SPAG16: variants seen among roughly 807,000 people sequenced by gnomAD.
SPAG16 encodes the protein sperm associated antigen 16, also known as sperm-associated antigen 16 protein.
SPAG16 carries 86 observed loss-of-function variants against 80.4 expected under a neutral mutation model. The ratio of observed to expected loss-of-function variants is 1.07; its 90% CI spans 0.90 to 1.28. The LOEUF (loss-of-function observed/expected upper bound fraction) is 1.28, where lower values mean the gene tolerates loss of function less well. SPAG16 is among the 50% of genes most tolerant of loss of function. The pLI is 0.00. For missense variants in SPAG16, 870 were observed against 765.3 expected (o/e 1.14, Z -1.61); for synonymous variants, 294 against 265.9 (o/e 1.11, Z -1.03).
chr2:213,306,648 C>G (rs567177665), intron 3 of SPAG16, among the ~76,000 whole-genome samples: 2 of 152,038 alleles, frequency 1.3e-5, no homozygotes, highest in African/African-American at 2.4e-5. Context: ...GGGCAAGTCC[C>G]CTCTTGCTAG....
intron 10 of SPAG16, among the ~76,000 whole-genome samples, chr2:213,698,564 A>G (rs2065258684): frequency 6.6e-6 from 1 of 152,106 alleles, no homozygotes; most frequent in Non-Finnish European, 1.5e-5. Flanking sequence ...GCCTTGCTTT[A>G]TTAGTGTTGT....
At chr2:213,454,717 G>T (rs928437575) in intron 9 of SPAG16, among the ~76,000 whole-genome samples, 1 of 152,288 alleles carries the variant, frequency 6.6e-6, no homozygotes, top group Non-Finnish European at 1.5e-5. Context: ...AAGATCTGTT[G>T]CTGCCCACAT....
chr2:214,017,300 C>T lies in SPAG16; in HGVS notation c.1527+3223C>T, dbSNP rs150412975. Among the ~76,000 whole-genome samples the T allele has an allele frequency of 5.3e-5, 8 of 151,968 alleles. No homozygotes were observed. The East Asian group carries it at 7.7e-4, about 15-fold the overall frequency. On this transcript the variant is annotated intron_variant, in intron 13 of 15. Transcript: ENST00000331683. The stretch of plus-strand genomic sequence containing the variant: ...GTGGAGTTTGCTCCTGCTAATGGAG[C>T]GTCAATGGAAAAGTAAGATTTTCAA...
chr2:213,924,384 A>T (rs952934264), intron 11 of SPAG16, among the ~76,000 whole-genome samples: 1 of 151,936 alleles, frequency 6.6e-6, no homozygotes, highest in East Asian at 1.9e-4. Context: ...ACCCTTTCCC[A>T]TTTTTGTAGA....
chr2:214,259,565 G>C (rs1464532774), intron 15 of SPAG16, among the ~76,000 whole-genome samples: 1 of 143,304 alleles, frequency 7.0e-6, no homozygotes, highest in East Asian at 2.0e-4. Context: ...CGTTTCGGCA[G>C]ATATAACCCT....
chr2:214,282,920 G>T (rs1181068382), intron 15 of SPAG16, among the ~76,000 whole-genome samples: 1 of 151,952 alleles, frequency 6.6e-6, no homozygotes, highest in African/African-American at 2.4e-5. Context: ...CTTTACCTTC[G>T]ACTGACAGAT....
intron 13 of SPAG16, among the ~76,000 whole-genome samples, chr2:214,090,141 A>C (rs9288487): frequency 0.094 from 14,215 of 151,968 alleles, 829 homozygotes; most frequent in East Asian, 0.28. Context: ...TGCAAAAGAG[A>C]TATATGGAGA....
intron 15 of SPAG16, among the ~76,000 whole-genome samples, chr2:214,155,067 G>GAGCCAGTGGGT (rs952371401): frequency 1.2e-4 from 19 of 152,166 alleles, no homozygotes; most frequent in African/African-American, 2.9e-4. Context: ...CAGAGTTGAA[G>GAGCCAGTGGGT]AGCCAGTGGG....
intron 10 of SPAG16, among the ~76,000 whole-genome samples, chr2:213,757,006 T>C (rs1222306865): frequency 2.0e-5 from 3 of 152,148 alleles, no homozygotes; most frequent in Admixed American, 6.5e-5. Context: ...TAAAAAAGCT[T>C]ACTAGAATTA....
At chr2:213,772,894 AT>A (rs1473125719) in intron 10 of SPAG16, among the ~76,000 whole-genome samples, 3 of 152,022 alleles carry the variant, frequency 2.0e-5, no homozygotes, top group African/African-American at 7.2e-5. Flanking sequence ...TAATTTTATA[AT>A]TTCACTGTAA....
chr2:214,007,455 T>C (rs987442470), intron 12 of SPAG16, among the ~76,000 whole-genome samples: 3 of 152,160 alleles, frequency 2.0e-5, no homozygotes, highest in Non-Finnish European at 4.4e-5. Context: ...TGTGTGAAAT[T>C]AAAAAGTTTG....
At chr2:213,567,010 G>C (rs1436075238) in intron 10 of SPAG16, among the ~76,000 whole-genome samples, 1 of 152,042 alleles carries the variant, frequency 6.6e-6, no homozygotes, top group East Asian at 1.9e-4. Context: ...ATTAACTGCT[G>C]ATAATATAAT....
chr2:214,027,602 TC>T (rs1378411218), intron 13 of SPAG16, among the ~76,000 whole-genome samples: 1 of 151,962 alleles, frequency 6.6e-6, no homozygotes, highest in South Asian at 2.1e-4. Context: ...ATATACTCTT[TC>T]CAGCAATCCA....
intron 10 of SPAG16, among the ~76,000 whole-genome samples, chr2:213,667,587 C>T (rs777049616): frequency 6.8e-4 from 104 of 152,258 alleles, no homozygotes; most frequent in Non-Finnish European, 1.1e-3. Context: ...TCTACAAAGT[C>T]AAAGAGATTG....
Position 214,224,381 on chromosome 2 carries a change from C to T in SPAG16, c.1720+75115C>T, listed in dbSNP as rs184234282. ...TATGTACACATAATTTATATTATTT[C>T]TCTTAAAGATGAGCCATTATGATTG... On this transcript the variant is annotated intron_variant, in intron 15 of 15. Transcript: ENST00000331683. Among the ~76,000 whole-genome samples, 594 of 152,238 alleles carry T rather than the reference C, an allele frequency of 3.9e-3. 3 individuals carry two copies. Among genetic ancestry groups the T allele is most frequent in the Non-Finnish European group, 6.3e-3 (429 of 68,014 alleles).
chr2:213,463,248 A>G (rs1291271560), intron 9 of SPAG16, among the ~76,000 whole-genome samples: 1 of 152,224 alleles, frequency 6.6e-6, no homozygotes, highest in Non-Finnish European at 1.5e-5. Flanking sequence ...AGAACACAAA[A>G]GTTTGGAAAG....
intron 10 of SPAG16, among the ~76,000 whole-genome samples, chr2:213,857,398 C>T (rs568453026): frequency 1.3e-5 from 2 of 152,288 alleles, no homozygotes; most frequent in South Asian, 2.1e-4. Flanking sequence ...AGCCAATGCT[C>T]ATTGACCATG....
chr2:213,974,208 T>A (rs1264905527), intron 12 of SPAG16, among the ~76,000 whole-genome samples: 1 of 152,044 alleles, frequency 6.6e-6, no homozygotes, highest in African/African-American at 2.4e-5. Context: ...TAAAAGACAA[T>A]GAAAATAAAA....
At chr2:214,260,329 A>G (rs900062171) in intron 15 of SPAG16, among the ~76,000 whole-genome samples, 6 of 152,154 alleles carry the variant, frequency 3.9e-5, no homozygotes, top group African/African-American at 1.4e-4. Context: ...GATAATTTTA[A>G]AAAGAGCTCC....
Sources: allele counts gnomAD v4.1 joint callset (sites outside exome capture counted in the v4.1 genomes callset), GRCh38; gene constraint gnomAD v4.1.1; transcripts MANE v1.5; gene names NCBI Gene and HGNC (gene_info 2026-07-23, HGNC 2026-07-21).